BLMH: variants seen among roughly 807,000 people sequenced by gnomAD.
The protein encoded by BLMH is bleomycin hydrolase.
A neutral mutation model predicts 61.6 loss-of-function variants in BLMH; 32 were observed. The ratio of observed to expected loss-of-function variants is 0.52; its 90% CI spans 0.39 to 0.70. BLMH has a LOEUF of 0.70. Among genes scored for constraint, BLMH ranks in the 30% least tolerant of loss-of-function variants. BLMH has a pLI of 0.00. For synonymous variants in BLMH, 183 were observed against 193.8 expected, an observed-to-expected ratio of 0.94 and a Z score of 0.46; for missense variants, 460 against 555.5, an observed-to-expected ratio of 0.83 and a Z score of 1.73.
At chr17:30,288,147 G>C (rs1399637731) in intron 3 of BLMH, 200 bp from the exon 4 acceptor site, 16 of 481,148 alleles carry the variant, frequency 3.3e-5, no homozygotes, top group Non-Finnish European at 5.0e-5. Context: ...TATCACCCCA[G>C]TTTGGGGACT....
At chr17:30,251,698 A>G (rs1363134771) in intron 11 of BLMH, among the ~76,000 whole-genome samples, 1 of 152,162 alleles carries the variant, frequency 6.6e-6, no homozygotes, top group Non-Finnish European at 1.5e-5. Flanking sequence ...ACCATTTCCC[A>G]CTACACAGGA....
At chr17:30,283,963 C>CATTT (rs1250415589) in intron 6 of BLMH, among the ~76,000 whole-genome samples, 1 of 152,196 alleles carries the variant, frequency 6.6e-6, no homozygotes, top group African/African-American at 2.4e-5. Context: ...TGCATGCTTA[C>CATTT]ATTTAATCCT....
Position 30,272,795 on chromosome 17 carries a change from G to C in BLMH, c.906C>G (p.Asn302Lys). ...MVGGRKTLYN[N>K]QPIDFLKKMV... ...TCTTTTTCAGGAAGTCAATGGGCTGGTTGTTGTATAGAGTTTTTCTCCCTC... is the reference window on the plus strand; with the variant it reads ...TCTTTTTCAGGAAGTCAATGGGCTGCTTGTTGTATAGAGTTTTTCTCCCTC... The change falls in exon 8 of 12, where the codon AAC becomes AAG. Residue 302 changes from asparagine to lysine, a missense_variant. Around this residue, in one of 5 missense-constraint regions of BLMH, gnomAD observed 310 missense variants for 371.1 expected, o/e 0.84. Transcript: ENST00000261714. 6.2e-7 allele frequency: 1 copy of C among 1,614,152 alleles called. No homozygotes were observed. Among genetic ancestry groups the C allele is most frequent in the Non-Finnish European group, 8.5e-7 (1 of 1,180,044 alleles).
Position 30,286,824 on chromosome 17 carries a change from A to G in BLMH, c.542T>C (p.Leu181Pro). Residue 181 changes from leucine to proline, a missense_variant, in exon 5 of 12, where the codon CTG becomes CCG. Leu to Pro is a moderately conservative substitution (Grantham distance 98). Transcript: ENST00000261714. ...CTTCATATATTGTACCTTGTGATTCAGAATATCATTCATCCTTCTGGTTGC... is the reference window on the plus strand; with the variant it reads ...CTTCATATATTGTACCTTGTGATTCGGAATATCATTCATCCTTCTGGTTGC... ...TEATRRMNDI[L>P]NHKMREFCIR... is the part of the protein sequence containing the mutation. 6.3e-7 allele frequency: 1 copy of G among 1,585,178 alleles called. No individual in the cohort carries two copies. The highest frequency in any genetic ancestry group is 8.7e-7 in the Non-Finnish European group (1 of 1,153,978).
In BLMH at chr17:30,288,487, G is replaced by T. The variant is rs1353471714; in HGVS notation, c.322-540C>A. Reference sequence around the variant, plus strand: ...CCTACCTCAGCCTCCTGAGTAGCTGGGAGGACAGGTGTGCACCACGCGTGG... The same window carrying T: ...CCTACCTCAGCCTCCTGAGTAGCTGTGAGGACAGGTGTGCACCACGCGTGG... On this transcript the variant is annotated intron_variant, in intron 3 of 11. Coordinates refer to ENST00000261714, the MANE Select transcript of BLMH (RefSeq NM_000386.4). Among the ~76,000 whole-genome samples the T allele has an allele frequency of 2.0e-5, 3 of 152,216 alleles. No individual in the cohort carries two copies. The East Asian group carries it at 5.8e-4, about 29-fold the overall frequency.
chr17:30,249,021 T>A lies in BLMH; in HGVS notation c.1364A>T (p.Glu455Val), dbSNP rs753726555. ...GGAAAGAGCTGGAGGGCAGTATCAC[T>A]CAGCCAAAGCTCCCATGGGGTCCCA... is the stretch of plus-strand genomic sequence containing the variant. ...PAWDPMGALA[E>V] is the part of the protein sequence containing the mutation. Residue 455 changes from glutamate (E) to valine (V), a missense_variant, in exon 12 of 12, where the codon GAG becomes GTG. Transcript: ENST00000261714. The A allele has an allele frequency of 3.1e-6, 5 of 1,613,972 alleles. No individual in the cohort carries two copies. The South Asian group carries it at 5.5e-5, about 18-fold the overall frequency.
intron 5 of BLMH, 144 bp from the exon 6 acceptor site, chr17:30,285,624 C>T (rs997668117): frequency 2.1e-5 from 11 of 527,614 alleles, no homozygotes; most frequent in Non-Finnish European, 3.5e-5. Flanking sequence ...TGTTTTTCTT[C>T]AACTTGTCCA....
chr17:30,286,113 G>A (rs1908721466), intron 5 of BLMH, among the ~76,000 whole-genome samples: 1 of 152,060 alleles, frequency 6.6e-6, no homozygotes, highest in South Asian at 2.1e-4. Context: ...CTAATGTTGG[G>A]GAGACACACC....
intron 11 of BLMH, among the ~76,000 whole-genome samples, chr17:30,262,323 A>G (rs902280646): frequency 1.3e-5 from 2 of 152,226 alleles, no homozygotes; most frequent in Non-Finnish European, 2.9e-5. Flanking sequence ...TCATAGTAAG[A>G]CTGGTTCATT....
rs761350888 is a variant in BLMH at position 30,285,421 on chromosome 17, T to A, written c.612A>T (p.Glu204Asp). ...TCATGACGTCCTGTGTGGCCGAGAT[T>A]TCTCCTTTGGTTGCTCCACTGTGTA... is the stretch of plus-strand genomic sequence containing the variant. ...NLVHSGATKGEISATQDVMME... is the reference protein window; with the variant it reads ...NLVHSGATKGDISATQDVMME... The change falls in exon 6 of 12, where the codon GAA (glutamate) becomes GAT (aspartate). Residue 204 changes from glutamate (E) to aspartate (D), a missense_variant. Coordinates refer to ENST00000261714, the MANE Select transcript of BLMH (RefSeq NM_000386.4). 1 of 1,612,514 alleles carries A rather than the reference T, an allele frequency of 6.2e-7. No individual in the cohort carries two copies. The highest frequency in any genetic ancestry group is 8.5e-7 in the Non-Finnish European group (1 of 1,179,204).
intron 6 of BLMH, among the ~76,000 whole-genome samples, chr17:30,275,296 T>C (rs1908387871): frequency 6.6e-6 from 1 of 152,216 alleles, no homozygotes; most frequent in South Asian, 2.1e-4. Context: ...TTTCTAATGA[T>C]GTCACAACAC....
Position 30,272,612 on chromosome 17 carries a change from C to T in BLMH, c.977G>A (p.Cys326Tyr). 1 of 1,614,166 alleles carries T rather than the reference C, an allele frequency of 6.2e-7. No homozygotes were observed. The highest frequency in any genetic ancestry group is 8.5e-7 in the Non-Finnish European group (1 of 1,180,034). ...IKDGEAVWFGCDVGKHFNSKL... is the reference protein window; with the variant it reads ...IKDGEAVWFGYDVGKHFNSKL... ...GCTATTGAAGTGTTTTCCAACATCA[C>T]AGCCAAACCACACAGCCTAGAAACA... Residue 326 changes from cysteine to tyrosine, a missense_variant, in exon 9 of 12, where the codon TGT becomes TAT. Physicochemically the swap from Cys to Tyr is radical, Grantham distance 194 (BLOSUM62 -2). Transcript: ENST00000261714.
chr17:30,289,228 C>T, intron 3 of BLMH, 145 bp downstream of exon 3: 1 of 430,444 alleles, frequency 2.3e-6, no homozygotes, highest in Non-Finnish European at 4.0e-6. Context: ...AAAGAGTCAA[C>T]TTTTGATACT....
At chr17:30,286,075 C>T (rs1276907495) in intron 5 of BLMH, among the ~76,000 whole-genome samples, 2 of 152,258 alleles carry the variant, frequency 1.3e-5, no homozygotes, top group South Asian at 2.1e-4. Flanking sequence ...GAATCCCCAG[C>T]GTTTCCAGGG....
chr17:30,281,406 G>T (rs1908586499), intron 6 of BLMH, among the ~76,000 whole-genome samples: 2 of 149,592 alleles, frequency 1.3e-5, no homozygotes, highest in Admixed American at 1.4e-4. Flanking sequence ...GCACATTAAA[G>T]TCTGATGGCA....
intron 11 of BLMH, among the ~76,000 whole-genome samples, chr17:30,260,519 C>T (rs1242578316): frequency 1.3e-5 from 2 of 152,160 alleles, no homozygotes; most frequent in East Asian, 3.8e-4. Flanking sequence ...TCTATTCCAT[C>T]TACATACACT....
chr17:30,274,626 G>A (rs914730288), intron 6 of BLMH, among the ~76,000 whole-genome samples: 2 of 152,040 alleles, frequency 1.3e-5, no homozygotes, highest in African/African-American at 2.4e-5. Context: ...GGGGTCTCTA[G>A]TCATAGGAAA....
At chr17:30,257,676 T>A (rs534083598) in intron 11 of BLMH, among the ~76,000 whole-genome samples, 1 of 152,348 alleles carries the variant, frequency 6.6e-6, no homozygotes, top group African/African-American at 2.4e-5. Context: ...AGCTTACACT[T>A]CACAATGCAA....
Position 30,287,966 on chromosome 17 carries a change from T to G in BLMH, c.322-19A>C. 6.3e-7 allele frequency: 1 copy of G among 1,595,304 alleles called. No homozygotes were observed. Among genetic ancestry groups the G allele is most frequent in the East Asian group, 2.2e-5 (1 of 44,716 alleles). ...GTTCAACCTAAAGAGTAAAGAAAGT[T>G]AAATAACATTAAAAGAAAAAAGTGT... On this transcript the variant is annotated intron_variant, in intron 3 of 11. Transcript: ENST00000261714.
Sources: gnomAD v4.1 joint callset for allele counts (sites outside exome capture counted in the v4.1 genomes callset) on GRCh38, gnomAD v4.1.1 for gene constraint, gnomAD v4.1.1 regional missense constraint, MANE v1.5 for transcripts, NCBI Gene and HGNC (gene_info 2026-07-23, HGNC 2026-07-21) for gene names.